The following EZR variants were observed in gnomAD, a reference collection of about 807,000 sequenced individuals.
The protein encoded by EZR is ezrin, also known as cytovillin 2.
In EZR, 40 loss-of-function variants were observed where a neutral mutation model predicts 74.8. The observed-to-expected ratio is 0.53, with a 90% CI of 0.42 to 0.70. EZR has a LOEUF of 0.70. Ranked by LOEUF, EZR falls within the 30% of genes least tolerant of loss-of-function variation. EZR has a pLI of 0.00. For missense variants in EZR, 678 were observed against 755.8 expected (o/e 0.90, Z 1.21); for synonymous variants, 341 against 283.3 (o/e 1.20, Z -2.05).
chr6:158,809,044 CTA>C (rs1057172245), intron 2 of EZR, among the ~76,000 whole-genome samples: 1 of 152,182 alleles, frequency 6.6e-6, no homozygotes, highest in Non-Finnish European at 1.5e-5. Context: ...CTGTGGTGAG[CTA>C]TGATTGTACC....
chr6:158,813,140 C>G lies in EZR; in HGVS notation c.12+4942G>C, dbSNP rs144302630. On this transcript the variant is annotated intron_variant, in intron 2 of 13. Transcript: ENST00000367075. ...GGCATGGCCTGACCTGTCTTCCTCT[C>G]TAGCCACATTGGGCTTCATGTGAAA... Among the ~76,000 whole-genome samples the G allele has an allele frequency of 2.8e-3, 426 of 152,344 alleles. 2 individuals are homozygous for G. The highest frequency in any genetic ancestry group is 9.8e-3 in the African/African-American group (408 of 41,578).
intron 8 of EZR, among the ~76,000 whole-genome samples, chr6:158,775,781 G>C (rs1791259606): frequency 6.6e-6 from 1 of 152,206 alleles, no homozygotes; most frequent in African/African-American, 2.4e-5. Flanking sequence ...TTAAATGTCA[G>C]CAGAATAAAT....
rs139648265 is a variant in EZR at position 158,771,303 on chromosome 6, G to A, written c.900C>T (p.Ile300=). The change falls in exon 9 of 14, where the codon ATC becomes ATT. Residue 300 remains isoleucine (I), a synonymous_variant. Coordinates refer to ENST00000367075, the MANE Select transcript of EZR (RefSeq NM_001111077.2). ...LYMRRRKPDT[I]EVQQMKAQAR... is the part of the protein sequence containing the mutation. ...CCTGGGCCTTCATCTGCTGCACCTCGATGGTGTCAGGCTTCCTGCGGCGCA... is the reference window on the plus strand; with the variant it reads ...CCTGGGCCTTCATCTGCTGCACCTCAATGGTGTCAGGCTTCCTGCGGCGCA... 1.9e-4 allele frequency: 310 copies of A among 1,614,026 alleles called. No individual in the cohort carries two copies. The highest frequency in any genetic ancestry group is 2.4e-4 in the Non-Finnish European group (287 of 1,180,008).
intron 2 of EZR, among the ~76,000 whole-genome samples, chr6:158,807,239 C>T (rs1266969589): frequency 2.0e-5 from 3 of 150,392 alleles, no homozygotes; most frequent in Non-Finnish European, 4.4e-5. Context: ...GGCGTGAACC[C>T]GGGAGGTGGA....
intron 2 of EZR, among the ~76,000 whole-genome samples, chr6:158,796,314 C>T (rs942107501): frequency 1.3e-5 from 2 of 152,242 alleles, no homozygotes; most frequent in African/African-American, 4.8e-5. Flanking sequence ...CCCCAAGCTG[C>T]TTTATTTTTA....
chr6:158,768,972 C>T (rs1382866013), intron 12 of EZR, among the ~76,000 whole-genome samples: 12 of 152,128 alleles, frequency 7.9e-5, no homozygotes, highest in Admixed American at 7.9e-4. Flanking sequence ...GCAAGGGGCA[C>T]ATATATAATT....
intron 1 of EZR, 144 bp from the exon 2 acceptor site, chr6:158,818,310 C>CGGGCATGGGGAGG: frequency 3.3e-6 from 1 of 307,272 alleles, no homozygotes; most frequent in South Asian, 1.4e-4. Context: ...CCCAGCACTG[C>CGGGCATGGGGAGG]GGGCATGGGG....
intron 7 of EZR, among the ~76,000 whole-genome samples, chr6:158,780,400 T>G (rs1203931923): frequency 6.6e-6 from 1 of 152,198 alleles, no homozygotes; most frequent in African/African-American, 2.4e-5. Context: ...CACTTTCATT[T>G]TGAGGAAGGA....
chr6:158,785,452 T>C lies in EZR; in HGVS notation c.324A>G (p.Glu108=), dbSNP rs753407781. 223 of 1,614,112 alleles carry C rather than the reference T, an allele frequency of 1.4e-4. No homozygotes were observed. The highest frequency in any genetic ancestry group is 1.8e-4 in the Non-Finnish European group (213 of 1,180,040). Residue 108 remains glutamate, a synonymous_variant, in exon 5 of 14, where the codon GAA becomes GAG. Coordinates refer to ENST00000367075, the MANE Select transcript of EZR (RefSeq NM_001111077.2). Reference sequence around the variant, plus strand: ...AGTAGATCTCATCGCTAAGGATTCCTTCCTTCACTTGGAGGAAGAAAAGTT... The same window carrying C: ...AGTAGATCTCATCGCTAAGGATTCCCTCCTTCACTTGGAGGAAGAAAAGTT... ...TQKLFFLQVK[E]GILSDEIYCP...
chr6:158,807,320 A>C, intron 2 of EZR, among the ~76,000 whole-genome samples: 1 of 149,972 alleles, frequency 6.7e-6, no homozygotes, highest in South Asian at 2.1e-4. Flanking sequence ...GTCTCAAAAA[A>C]AAAAAAAAAA....
intron 7 of EZR, among the ~76,000 whole-genome samples, chr6:158,782,564 C>T (rs1009042739): frequency 2.6e-5 from 4 of 152,176 alleles, no homozygotes; most frequent in Non-Finnish European, 5.9e-5. Context: ...GAACCCAGGC[C>T]AAAAGGCAGG....
chr6:158,818,193 C>G lies in EZR; in HGVS notation c.-73-27G>C, dbSNP rs2128578772. 6.2e-6 allele frequency: 8 copies of G among 1,289,394 alleles called. No homozygotes were observed. The South Asian group carries it at 8.3e-5, about 13-fold the overall frequency. 79.9% of individuals were successfully genotyped at this position (1,289,394 alleles called of 1,614,324 possible). ...TGGAGTCAGAGCAGAACCCTTAGAG[C>G]GCCCGCCCGCCCTGCCTCGTCCTCC... On this transcript the variant is annotated intron_variant, in intron 1 of 13. Coordinates refer to ENST00000367075, the MANE Select transcript of EZR (RefSeq NM_001111077.2).
Position 158,769,507 on chromosome 6 carries a change from A to G in EZR, c.1252-89T>C, listed in dbSNP as rs1034623418. 6 of 1,350,052 alleles carry G rather than the reference A, an allele frequency of 4.4e-6. No homozygotes were observed. In the South Asian group the frequency reaches 7.3e-5, roughly 16 times the overall value. The allele number at this position is 1,350,052 out of a possible 1,614,324, so 83.6% of individuals were successfully genotyped here. ...TGAGTGTTCATGTGTGTTGGCAAGCAGTCTCCAACGTGACACCTGAGTCCC... is the reference window on the plus strand; with the variant it reads ...TGAGTGTTCATGTGTGTTGGCAAGCGGTCTCCAACGTGACACCTGAGTCCC... On this transcript the variant is annotated intron_variant, in intron 11 of 13. Coordinates refer to ENST00000367075, the MANE Select transcript of EZR (RefSeq NM_001111077.2).
intron 2 of EZR, 85 bp from the exon 3 acceptor site, chr6:158,789,456 C>T (rs903005338): frequency 8.2e-7 from 1 of 1,216,356 alleles, no homozygotes; most frequent in Non-Finnish European, 1.2e-6. Flanking sequence ...TAAGCTGCTC[C>T]TCAGTGTGGC....
At chr6:158,808,416 T>G (rs1387880717) in intron 2 of EZR, among the ~76,000 whole-genome samples, 1 of 152,254 alleles carries the variant, frequency 6.6e-6, no homozygotes, top group African/African-American at 2.4e-5. Context: ...AACAGAGGTC[T>G]AGCAAGACAG....
intron 8 of EZR, among the ~76,000 whole-genome samples, chr6:158,775,996 G>C (rs1460531879): frequency 6.6e-6 from 1 of 152,186 alleles, no homozygotes; most frequent in African/African-American, 2.4e-5. Flanking sequence ...TTGGGTGCAA[G>C]TCTGACTGTC....
rs192121821 is a variant in EZR at position 158,769,300 on chromosome 6, C to T, written c.1344+26G>A. 5.4e-5 allele frequency: 86 copies of T among 1,599,494 alleles called. No individual in the cohort carries two copies. The East Asian group carries it at 9.6e-4, about 18-fold the overall frequency. On this transcript the variant is annotated intron_variant, in intron 12 of 13. Transcript: ENST00000367075. ...TTGGGCAACAGGTGCTGTGGCCGTGCGGAGGTGTCCCCCGTGCAGACTCAC... is the reference window on the plus strand; with the variant it reads ...TTGGGCAACAGGTGCTGTGGCCGTGTGGAGGTGTCCCCCGTGCAGACTCAC...
rs201721119 is a variant in EZR, at chr6:158,769,366, C to A, written c.1304G>T (p.Arg435Leu). The change falls in exon 12 of 14, where the codon CGG (arginine) becomes CTG (leucine). Residue 435 changes from arginine to leucine, a missense_variant. Physicochemically the swap from Arg to Leu is moderately radical, Grantham distance 102 (BLOSUM62 -2). Coordinates refer to ENST00000367075, the MANE Select transcript of EZR (RefSeq NM_001111077.2). ...TTCAACTTCATCCTCCTTGCGCCTC[C>A]GCGCCTCTTCCAGGAGGGCAATCTT... ...TAKIALLEEA[R>L]RRKEDEVEEW... 6.2e-7 allele frequency: 1 copy of A among 1,609,564 alleles called. No individual in the cohort carries two copies. The highest frequency in any genetic ancestry group is 2.2e-5 in the East Asian group (1 of 44,882).
chr6:158,795,801 A>T (rs1777058684), intron 2 of EZR, among the ~76,000 whole-genome samples: 1 of 152,184 alleles, frequency 6.6e-6, no homozygotes, highest in Non-Finnish European at 1.5e-5. Flanking sequence ...CACTTCCACA[A>T]GTGATTTTGA....
Sources: allele counts gnomAD v4.1 joint callset (sites outside exome capture counted in the v4.1 genomes callset), GRCh38; gene constraint gnomAD v4.1.1; transcripts MANE v1.5; gene names NCBI Gene and HGNC (gene_info 2026-07-23, HGNC 2026-07-21).